NPTN: variants seen among roughly 807,000 people sequenced by gnomAD.
NPTN encodes the protein neuroplastin.
A neutral mutation model predicts 42.7 loss-of-function variants in NPTN; 5 were observed. The observed-to-expected ratio is 0.12, with a 90% CI of 0.06 to 0.25. NPTN has a LOEUF of 0.25. NPTN is among the 10% of genes least tolerant of loss of function. The probability of loss-of-function intolerance (pLI) is 1.00; values close to 1 mark genes in which losing one functional copy is unlikely to be tolerated. For synonymous variants in NPTN, 180 were observed against 201.9 expected (o/e 0.89, Z 0.92); for missense variants, 307 against 525.4 (o/e 0.58, Z 4.06).
At chr15:73,592,568 C>A (rs992817961) in intron 2 of NPTN, among the ~76,000 whole-genome samples, 3 of 152,136 alleles carry the variant, frequency 2.0e-5, no homozygotes, top group Non-Finnish European at 4.4e-5. Flanking sequence ...GGCCTTGGAA[C>A]AGTAATAATT....
intron 5 of NPTN, among the ~76,000 whole-genome samples, chr15:73,572,370 C>A (rs1459350814): frequency 6.6e-6 from 1 of 152,116 alleles, no homozygotes; most frequent in African/African-American, 2.4e-5. Flanking sequence ...GGTAATGGGT[C>A]AACAATCATA....
At position 73,605,435 on chromosome 15, in the gene NPTN, T is replaced by C. The variant is rs142387997; in HGVS notation, c.92-8066A>G. ...CATCAGACCTGAGAAACAGAAAGAATTGGAAAATGTAGGTCGGGTGCGGTG... is the reference window on the plus strand; with the variant it reads ...CATCAGACCTGAGAAACAGAAAGAACTGGAAAATGTAGGTCGGGTGCGGTG... On this transcript the variant is annotated intron_variant, in intron 1 of 8. Coordinates refer to ENST00000345330, the MANE Select transcript of NPTN (RefSeq NM_012428.4). Among the ~76,000 whole-genome samples, 1,041 of 151,478 alleles carry C rather than the reference T, an allele frequency of 6.9e-3. 19 individuals are homozygous for C. Among genetic ancestry groups the C allele is most frequent in the African/African-American group, 0.024 (987 of 41,274 alleles).
intron 3 of NPTN, among the ~76,000 whole-genome samples, chr15:73,591,092 C>T (rs963092551): frequency 6.6e-6 from 1 of 152,168 alleles, no homozygotes; most frequent in African/African-American, 2.4e-5. Context: ...CCAAGAGTCA[C>T]TCTTCAAGTC....
At chr15:73,566,070 C>A (rs995908258) in intron 6 of NPTN, among the ~76,000 whole-genome samples, 6 of 152,264 alleles carry the variant, frequency 3.9e-5, no homozygotes, top group African/African-American at 1.4e-4. Flanking sequence ...GCATTAAACC[C>A]AAGAGAGACT....
intron 4 of NPTN, among the ~76,000 whole-genome samples, chr15:73,578,426 T>G (rs980929314): frequency 2.0e-5 from 3 of 152,028 alleles, no homozygotes; most frequent in African/African-American, 7.3e-5. Flanking sequence ...TCCAGGTATA[T>G]TTTGGAGGTT....
In NPTN at chr15:73,563,278, T is replaced by A. The variant is rs370480868; in HGVS notation, c.1115-21A>T. 1.9e-6 allele frequency: 3 copies of A among 1,613,034 alleles called. No individual in the cohort carries two copies. In the African/African-American group the frequency reaches 4.0e-5, roughly 22 times the overall value. On this transcript the variant is annotated intron_variant, in intron 6 of 8. Coordinates refer to ENST00000345330, the MANE Select transcript of NPTN (RefSeq NM_012428.4). ...ATCATCTACATGGTGTTCAGTTTTT[T>A]AAAAATCCATGAGAGATAAGAGAAG... is the stretch of plus-strand genomic sequence containing the variant.
intron 6 of NPTN, among the ~76,000 whole-genome samples, chr15:73,566,678 T>C (rs1240767886): frequency 6.6e-6 from 1 of 152,186 alleles, no homozygotes; most frequent in Non-Finnish European, 1.5e-5. Flanking sequence ...CCCAAGCAGG[T>C]GCCCAGCTGT....
intron 1 of NPTN, among the ~76,000 whole-genome samples, chr15:73,621,271 A>G (rs1898127345): frequency 6.6e-6 from 1 of 152,244 alleles, no homozygotes; most frequent in Non-Finnish European, 1.5e-5. Flanking sequence ...AATTAATTCA[A>G]TGAAAAGACT....
chr15:73,588,841 C>G (rs1896445932), intron 3 of NPTN, among the ~76,000 whole-genome samples: 1 of 152,218 alleles, frequency 6.6e-6, no homozygotes. Flanking sequence ...TAATGTCCGG[C>G]TTCCCAACAG....
At chr15:73,610,189 C>G (rs1044798371) in intron 1 of NPTN, among the ~76,000 whole-genome samples, 1 of 152,052 alleles carries the variant, frequency 6.6e-6, no homozygotes, top group Non-Finnish European at 1.5e-5. Flanking sequence ...TTGGTTCAAG[C>G]AATCCTCCCA....
chr15:73,584,124 G>A (rs879568454), intron 4 of NPTN, among the ~76,000 whole-genome samples: 1 of 152,182 alleles, frequency 6.6e-6, no homozygotes, highest in East Asian at 1.9e-4. Flanking sequence ...AGGAGGGTGA[G>A]ATGAACCTAG....
At chr15:73,612,493 C>T (rs974063954) in intron 1 of NPTN, among the ~76,000 whole-genome samples, 2 of 151,434 alleles carry the variant, frequency 1.3e-5, no homozygotes, top group African/African-American at 4.9e-5. Flanking sequence ...ACTGGCCAGG[C>T]GCAGTGGCTC....
chr15:73,594,286 T>G (rs1019807425), intron 2 of NPTN, among the ~76,000 whole-genome samples: 2 of 152,288 alleles, frequency 1.3e-5, no homozygotes, highest in Middle Eastern at 3.4e-3. Context: ...GAGGCCAAAG[T>G]AAATGCTACT....
At chr15:73,610,302 A>T (rs1897513912) in intron 1 of NPTN, among the ~76,000 whole-genome samples, 1 of 152,112 alleles carries the variant, frequency 6.6e-6, no homozygotes, top group South Asian at 2.1e-4. Context: ...TTTTTTGTAC[A>T]GTATGCTAGT....
chr15:73,620,076 T>C (rs1191235933), intron 1 of NPTN, among the ~76,000 whole-genome samples: 1 of 152,198 alleles, frequency 6.6e-6, no homozygotes, highest in Non-Finnish European at 1.5e-5. Flanking sequence ...AATATAATCC[T>C]TTGGTGAAAG....
intron 1 of NPTN, among the ~76,000 whole-genome samples, chr15:73,625,696 T>C (rs1230654627): frequency 6.6e-6 from 1 of 152,176 alleles, no homozygotes; most frequent in African/African-American, 2.4e-5. Flanking sequence ...CTTTTACTCA[T>C]ATAAACTAAC....
chr15:73,576,224 T>C (rs1017854198), intron 4 of NPTN, among the ~76,000 whole-genome samples: 2 of 152,244 alleles, frequency 1.3e-5, no homozygotes, highest in African/African-American at 2.4e-5. Flanking sequence ...ACACCAGATA[T>C]GTCAGACTGG....
At chr15:73,568,381 C>A (rs1895160974) in intron 6 of NPTN, 1 of 985,394 alleles carries the variant, frequency 1.0e-6, no homozygotes, top group East Asian at 1.1e-4. Flanking sequence ...CTCAACCTTT[C>A]CAAAAGGCAG....
intron 1 of NPTN, among the ~76,000 whole-genome samples, chr15:73,613,974 C>A (rs1032550756): frequency 6.6e-6 from 1 of 152,078 alleles, no homozygotes; most frequent in Non-Finnish European, 1.5e-5. Flanking sequence ...GTGTGAGCCA[C>A]CGTGCCTGGC....
Sources: gnomAD v4.1 joint callset for allele counts (sites outside exome capture counted in the v4.1 genomes callset) on GRCh38, gnomAD v4.1.1 for gene constraint, MANE v1.5 for transcripts, NCBI Gene and HGNC (gene_info 2026-07-23, HGNC 2026-07-21) for gene names.